ROCK1: variants seen among roughly 807,000 people sequenced by gnomAD.
ROCK1 encodes Rho associated coiled-coil containing protein kinase 1.
Under a neutral mutation model 196.8 loss-of-function variants are expected in ROCK1, and 36 were observed. The observed-to-expected ratio is 0.18, with a 90% confidence interval of 0.14 to 0.24. ROCK1 has a LOEUF of 0.24. Ranked by LOEUF, ROCK1 falls within the 10% of genes least tolerant of loss-of-function variation. ROCK1 has a pLI of 1.00. For missense variants in ROCK1, 920 were observed against 1,562.0 expected, an observed-to-expected ratio of 0.59 and a Z score of 6.93; for synonymous variants, 443 against 515.9, an observed-to-expected ratio of 0.86 and a Z score of 1.91.
intron 16 of ROCK1, among the ~76,000 whole-genome samples, chr18:21,000,986 A>G (rs141085355): frequency 1.3e-5 from 2 of 152,360 alleles, no homozygotes; most frequent in African/African-American, 4.8e-5. Context: ...TATTTACAAT[A>G]GCCAAAAGGT....
At chr18:21,097,228 T>C (rs372099929) in intron 1 of ROCK1, among the ~76,000 whole-genome samples, 7 of 152,158 alleles carry the variant, frequency 4.6e-5, no homozygotes, top group Non-Finnish European at 7.3e-5. Context: ...ATAGATTATA[T>C]TGGAAAGCTG....
intron 1 of ROCK1, among the ~76,000 whole-genome samples, chr18:21,071,079 T>C (rs1056733845): frequency 1.3e-5 from 2 of 151,940 alleles, no homozygotes; most frequent in Admixed American, 6.6e-5. Flanking sequence ...TTTTTAATTA[T>C]AAAAATGTAT....
chr18:21,095,731 GA>G lies in ROCK1; in HGVS notation c.93+15086del, dbSNP rs574150954. On this transcript the variant is annotated intron_variant, in intron 1 of 32. Transcript: ENST00000399799. ...CTGGGGGGATAGTTAATGGGTACAA[GA>G]AAAAAAAAAAACTAGCTAGAAAAAA... Among the ~76,000 whole-genome samples, 629 of 123,684 alleles carry G rather than the reference GA, an allele frequency of 5.1e-3. 2 individuals are homozygous for G. The highest frequency in any genetic ancestry group is 0.036 in the Middle Eastern group (9 of 248). 81.1% of individuals were successfully genotyped at this position (123,684 alleles called of 152,430 possible).
At chr18:21,044,259 AT>A in intron 5 of ROCK1, 73 bp from the exon 6 acceptor site, 1 of 1,104,592 alleles carries the variant, frequency 9.1e-7, no homozygotes, top group Non-Finnish European at 1.3e-6. Context: ...TGAGGCAGTT[AT>A]TTTAGGTCAA....
chr18:21,081,208 T>C (rs1178965043), intron 1 of ROCK1, among the ~76,000 whole-genome samples: 1 of 151,928 alleles, frequency 6.6e-6, no homozygotes, highest in Non-Finnish European at 1.5e-5. Context: ...TAAACAATAA[T>C]AGGGGAAAAC....
chr18:21,031,110 C>T (rs1359078518), intron 9 of ROCK1, among the ~76,000 whole-genome samples: 3 of 152,068 alleles, frequency 2.0e-5, no homozygotes, highest in Admixed American at 6.6e-5. Context: ...GAATGAATGA[C>T]TGCAGCCCAC....
chr18:21,075,687 C>T (rs141261615), intron 1 of ROCK1, among the ~76,000 whole-genome samples: 1 of 152,190 alleles, frequency 6.6e-6, no homozygotes, highest in East Asian at 1.9e-4. Context: ...GGCATGGTGG[C>T]TCACACCTGA....
intron 1 of ROCK1, among the ~76,000 whole-genome samples, chr18:21,081,010 G>A (rs1358729690): frequency 2.6e-5 from 4 of 151,940 alleles, no homozygotes; most frequent in Admixed American, 6.6e-5. Context: ...TAAACCAACT[G>A]GACCTAACAG....
At chr18:21,054,524 G>A (rs191270458) in intron 2 of ROCK1, among the ~76,000 whole-genome samples, 1 of 151,894 alleles carries the variant, frequency 6.6e-6, no homozygotes, top group East Asian at 2.0e-4. Context: ...CCCTGAAAGT[G>A]GGAGATCCCC....
chr18:21,096,001 A>T (rs1371221797), intron 1 of ROCK1, among the ~76,000 whole-genome samples: 2 of 152,052 alleles, frequency 1.3e-5, no homozygotes, highest in Non-Finnish European at 2.9e-5. Flanking sequence ...TTAAAAAAAA[A>T]AATAAGAGTA....
Position 21,078,341 on chromosome 18 carries a change from TACACAC to T in ROCK1, c.94-7734_94-7729del, listed in dbSNP as rs59499705. On this transcript the variant is annotated intron_variant, in intron 1 of 32. Coordinates refer to ENST00000399799, the MANE Select transcript of ROCK1 (RefSeq NM_005406.3). Reference sequence around the variant, plus strand: ...AAGACTCTATCTCAAAACACCCACCTACACACACACACACACACACACACACACACA... The same window carrying T: ...AAGACTCTATCTCAAAACACCCACCTACACACACACACACACACACACACA... 3.1e-3 allele frequency among the ~76,000 whole-genome samples: 403 copies of T among 128,836 alleles called. 2 individuals carry two copies. The highest frequency in any genetic ancestry group is 8.8e-3 in the South Asian group (34 of 3,856). 84.5% of individuals were successfully genotyped at this position (128,836 alleles called of 152,430 possible).
At position 20,990,672 on chromosome 18, in the gene ROCK1, G is replaced by C. The variant is rs532818878; in HGVS notation, c.2143+504C>G. The stretch of plus-strand genomic sequence containing the variant: ...CACACCATTGCACTCCAGCATGGGA[G>C]ACAAGAGCAAAACTTCGTCTCAAAA... On this transcript the variant is annotated intron_variant, in intron 18 of 32. Transcript: ENST00000399799. Among the ~76,000 whole-genome samples the C allele has an allele frequency of 6.7e-5, 5 of 74,726 alleles. No individual in the cohort carries two copies. The Admixed American group carries it at 1.0e-3, about 16-fold the overall frequency. 49.0% of individuals were successfully genotyped at this position (74,726 alleles called of 152,430 possible).
At chr18:21,085,323 C>A (rs1444099234) in intron 1 of ROCK1, among the ~76,000 whole-genome samples, 2 of 129,828 alleles carry the variant, frequency 1.5e-5, no homozygotes, top group African/African-American at 3.2e-5. Flanking sequence ...AATTTCAGAG[C>A]AGCTTGGACA....
chr18:21,096,959 T>C (rs2036617813), intron 1 of ROCK1, among the ~76,000 whole-genome samples: 1 of 152,186 alleles, frequency 6.6e-6, no homozygotes, highest in Non-Finnish European at 1.5e-5. Context: ...AGTAACAGTT[T>C]AACACAGTTG....
At position 21,070,550 on chromosome 18, in the gene ROCK1, C is replaced by A; in HGVS notation, c.157G>T (p.Asp53Tyr). 6.3e-7 allele frequency: 1 copy of A among 1,596,676 alleles called. No individual in the cohort carries two copies. The highest frequency in any genetic ancestry group is 1.1e-5 in the South Asian group (1 of 89,246). ...FPALRKNKNI[D>Y]NFLSRYKDTI... The stretch of plus-strand genomic sequence containing the variant: ...TACTTACATCTGCTTAAAAAGTTGT[C>A]AATATTTTTGTTTTTTCTTAAGGCA... The change falls in exon 2 of 33, where the codon GAC (aspartate) becomes TAC (tyrosine). Residue 53 changes from aspartate to tyrosine, a missense_variant. Asp to Tyr is a radical substitution (Grantham distance 160). This residue lies in a region of ROCK1 where 234 missense variants were observed against 460.7 expected (regional missense o/e 0.51). Coordinates refer to ENST00000399799, the MANE Select transcript of ROCK1 (RefSeq NM_005406.3).
chr18:21,040,117 C>CA (rs1301197542), intron 8 of ROCK1, among the ~76,000 whole-genome samples: 1 of 152,140 alleles, frequency 6.6e-6, no homozygotes. Flanking sequence ...CTACTGACAA[C>CA]AAAAATCCAG....
At chr18:21,071,757 A>G (rs1467071783) in intron 1 of ROCK1, among the ~76,000 whole-genome samples, 9 of 152,232 alleles carry the variant, frequency 5.9e-5, no homozygotes, top group Admixed American at 5.9e-4. Flanking sequence ...AAACATTAAA[A>G]AAATAAAGAA....
intron 16 of ROCK1, among the ~76,000 whole-genome samples, chr18:20,994,500 A>C (rs2035653603): frequency 6.6e-6 from 1 of 152,102 alleles, no homozygotes; most frequent in South Asian, 2.1e-4. Context: ...TGGTGACACA[A>C]GTCTATAGTC....
intron 19 of ROCK1, among the ~76,000 whole-genome samples, chr18:20,985,866 T>C (rs2035573894): frequency 6.6e-6 from 1 of 152,166 alleles, no homozygotes; most frequent in Admixed American, 6.5e-5. Context: ...AGTTTTATTT[T>C]TTATTTTTTA....
Sources: gnomAD v4.1 joint callset for allele counts (sites outside exome capture counted in the v4.1 genomes callset) on GRCh38, gnomAD v4.1.1 for gene constraint, gnomAD v4.1.1 regional missense constraint, MANE v1.5 for transcripts, NCBI Gene and HGNC (gene_info 2026-07-23, HGNC 2026-07-21) for gene names.